Variants in AFDN observed in about 807,000 individuals in gnomAD.
The protein encoded by AFDN is afadin, adherens junction formation factor, also known as afadin.
Under a neutral mutation model 216.6 loss-of-function variants are expected in AFDN, and 68 were observed. The ratio of observed to expected loss-of-function variants is 0.31; its 90% CI spans 0.26 to 0.38. The LOEUF (loss-of-function observed/expected upper bound fraction) is 0.38, where lower values mean the gene tolerates loss of function less well. Ranked by LOEUF, AFDN falls within the 10% of genes least tolerant of loss-of-function variation. The probability of loss-of-function intolerance (pLI) is 1.00; values close to 1 mark genes in which losing one functional copy is unlikely to be tolerated. For missense variants in AFDN, 2,136 were observed against 2,342.0 expected (o/e 0.91, Z 1.82); for synonymous variants, 868 against 853.7 (o/e 1.02, Z -0.29).
intron 30 of AFDN, 187 bp downstream of exon 30, chr6:167,952,374 A>G (rs1023415771): frequency 2.7e-6 from 4 of 1,471,652 alleles, no homozygotes; most frequent in Admixed American, 4.9e-5. Context: ...CTATAAGGCT[A>G]AATTTTTTAA....
intron 31 of AFDN, chr6:167,964,028 G>C: frequency 9.4e-7 from 1 of 1,064,450 alleles, no homozygotes; most frequent in Non-Finnish European, 1.1e-6. Context: ...GGGTTGTCAC[G>C]GCAGCACAGT....
At chr6:167,841,571 A>G (rs548604723) in intron 1 of AFDN, among the ~76,000 whole-genome samples, 1 of 152,262 alleles carries the variant, frequency 6.6e-6, no homozygotes, top group South Asian at 2.1e-4. Context: ...TTCGTCCTCC[A>G]TGATCTTGCT....
chr6:167,917,723 A>G (rs1356173603), intron 20 of AFDN, among the ~76,000 whole-genome samples: 2 of 152,344 alleles, frequency 1.3e-5, no homozygotes, highest in African/African-American at 4.8e-5. Flanking sequence ...CTTAAATATG[A>G]GTCATGAGAA....
At position 167,839,834 on chromosome 6, in the gene AFDN, G is replaced by T. The variant is rs551008706; in HGVS notation, c.105+12597G>T. ...GTATGGTAAATACTCTATTTGGGTG[G>T]TGGGAATCAGGCACATGGTTACAGA... On this transcript the variant is annotated intron_variant, in intron 1 of 33. Coordinates refer to ENST00000683244, the MANE Select transcript of AFDN (RefSeq NM_001386888.1). 1.7e-4 allele frequency among the ~76,000 whole-genome samples: 26 copies of T among 152,314 alleles called. 1 individual carries two copies. The highest frequency in any genetic ancestry group is 5.8e-4 in the African/African-American group (24 of 41,570).
intron 32 of AFDN, among the ~76,000 whole-genome samples, chr6:167,966,610 T>C (rs2128766804): frequency 6.6e-6 from 1 of 152,370 alleles, no homozygotes; most frequent in East Asian, 1.9e-4. Flanking sequence ...CTACCAATGA[T>C]CTTCTATTTG....
At chr6:167,895,929 G>T (rs1371694673) in intron 9 of AFDN, among the ~76,000 whole-genome samples, 1 of 152,180 alleles carries the variant, frequency 6.6e-6, no homozygotes, top group East Asian at 1.9e-4. Flanking sequence ...TGACTGCCAT[G>T]GCTATGGTGC....
In AFDN at chr6:167,914,695, T is replaced by C. The variant is rs758614175; in HGVS notation, c.2256T>C (p.Phe752=). The change falls in exon 18 of 34, where the codon TTT becomes TTC. Residue 752 remains phenylalanine (F), a synonymous_variant. Transcript: ENST00000683244. ...AACTTAATAATTACATGCCAGCCTT[T>C]CTAGATGACCCTGAAGAGAACAGTC... The part of the protein sequence containing the change: ...QSELNNYMPA[F]LDDPEENSLQ... 1.9e-6 allele frequency: 3 copies of C among 1,613,774 alleles called. No homozygotes were observed. Among genetic ancestry groups the C allele is most frequent in the Middle Eastern group, 1.7e-4 (1 of 6,060 alleles).
chr6:167,934,141 A>G (rs1393272714), intron 23 of AFDN, among the ~76,000 whole-genome samples: 3 of 152,178 alleles, frequency 2.0e-5, no homozygotes, highest in African/African-American at 7.2e-5. Context: ...TTGGGGGTTT[A>G]TGGGCTTCCT....
chr6:167,886,087 T>G (rs1786770629), intron 6 of AFDN, among the ~76,000 whole-genome samples: 1 of 152,162 alleles, frequency 6.6e-6, no homozygotes, highest in Admixed American at 6.5e-5. Flanking sequence ...TATAGTAATC[T>G]CACAGTAGTT....
At chr6:167,956,234 A>C (rs1796507720) in intron 30 of AFDN, among the ~76,000 whole-genome samples, 1 of 152,024 alleles carries the variant, frequency 6.6e-6, no homozygotes, top group South Asian at 2.1e-4. Context: ...GGATAAGGGC[A>C]AATATGTGAC....
At chr6:167,857,918 G>A (rs1583178990) in intron 1 of AFDN, among the ~76,000 whole-genome samples, 2 of 152,126 alleles carry the variant, frequency 1.3e-5, no homozygotes, top group East Asian at 1.9e-4. Flanking sequence ...TTATGTACAT[G>A]TGTACGAATA....
chr6:167,964,639 T>C, intron 31 of AFDN: 1 of 1,064,014 alleles, frequency 9.4e-7, no homozygotes, highest in Non-Finnish European at 1.1e-6. Flanking sequence ...TGTGTGTGTG[T>C]GTGTGTGTGT....
At chr6:167,948,528 C>G (rs199516334) in intron 29 of AFDN, 50 bp downstream of exon 29, 31 of 1,522,050 alleles carry the variant, frequency 2.0e-5, no homozygotes, top group Non-Finnish European at 2.7e-5. Flanking sequence ...AAGGAGGACA[C>G]ACTGAGTTCT....
At chr6:167,846,841 A>T (rs1349345133) in intron 1 of AFDN, among the ~76,000 whole-genome samples, 2 of 151,628 alleles carry the variant, frequency 1.3e-5, no homozygotes, top group African/African-American at 4.8e-5. Context: ...TAAAACTCTG[A>T]GTTAGTAGAA....
intron 21 of AFDN, among the ~76,000 whole-genome samples, chr6:167,921,354 C>T (rs1791776133): frequency 6.6e-6 from 1 of 152,194 alleles, no homozygotes; most frequent in Admixed American, 6.5e-5. Context: ...CACCACATTA[C>T]TTCATGTGTG....
In AFDN at chr6:167,911,357, A is replaced by G. The variant is rs376620649; in HGVS notation, c.1905A>G (p.Thr635=). The change falls in exon 15 of 34, where the codon ACA becomes ACG. Residue 635 remains threonine, a synonymous_variant. Coordinates refer to ENST00000683244, the MANE Select transcript of AFDN (RefSeq NM_001386888.1). ...SSTVHFKLSP[T]YVLYMACRYV... ...CAGTCCACTTTAAGTTGTCCCCTAC[A>G]TATGTATTATATATGGCATGCCGGT... is the stretch of plus-strand genomic sequence containing the variant. The G allele has an allele frequency of 8.1e-6, 13 of 1,614,034 alleles. No individual in the cohort carries two copies. The South Asian group carries it at 1.1e-4, about 14-fold the overall frequency.
intron 5 of AFDN, among the ~76,000 whole-genome samples, chr6:167,877,389 A>G (rs781353242): frequency 1.3e-5 from 2 of 152,206 alleles, no homozygotes; most frequent in Non-Finnish European, 2.9e-5. Flanking sequence ...CAGTGTATAG[A>G]TGATTCAGAA....
intron 1 of AFDN, among the ~76,000 whole-genome samples, chr6:167,842,649 A>G (rs1245041059): frequency 1.3e-5 from 2 of 152,122 alleles, no homozygotes; most frequent in Non-Finnish European, 1.5e-5. Flanking sequence ...ACTAGGATGT[A>G]TTATTTCACA....
At chr6:167,919,250 G>A (rs1387935043) in intron 21 of AFDN, among the ~76,000 whole-genome samples, 2 of 152,224 alleles carry the variant, frequency 1.3e-5, no homozygotes, top group Non-Finnish European at 1.5e-5. Flanking sequence ...TATTTTATGA[G>A]CGTAGTAGGT....
Sources: allele counts gnomAD v4.1 joint callset (sites outside exome capture counted in the v4.1 genomes callset), GRCh38; gene constraint gnomAD v4.1.1; transcripts MANE v1.5; gene names NCBI Gene and HGNC (gene_info 2026-07-23, HGNC 2026-07-21).